Variants in ZNF536 observed in about 807,000 individuals in gnomAD.
ZNF536 encodes zinc finger protein 536.
Under a neutral mutation model 84.5 loss-of-function variants are expected in ZNF536, and 13 were observed. That is an observed-to-expected ratio of 0.15 (90% CI 0.10 to 0.24). The LOEUF (loss-of-function observed/expected upper bound fraction) is 0.24, where lower values mean the gene tolerates loss of function less well. ZNF536 is among the 10% of genes least tolerant of loss of function. The pLI is 1.00. For missense variants in ZNF536, 1,536 were observed against 1,747.5 expected (o/e 0.88, Z 2.16); for synonymous variants, 811 against 742.5 (o/e 1.09, Z -1.50).
intron 2 of ZNF536, among the ~76,000 whole-genome samples, chr19:30,533,168 A>C (rs2044922510): frequency 6.6e-6 from 1 of 152,216 alleles, no homozygotes; most frequent in African/African-American, 2.4e-5. Flanking sequence ...CCAACTGCAG[A>C]GAGAATGCTC....
At chr19:30,610,716 C>T (rs1444858703) in intron 1 of ZNF536, among the ~76,000 whole-genome samples, 1 of 152,098 alleles carries the variant, frequency 6.6e-6, no homozygotes, top group African/African-American at 2.4e-5. Flanking sequence ...CCCTCTGAAC[C>T]AAGGACAGCC....
At chr19:30,531,233 G>T (rs2044802630) in intron 2 of ZNF536, among the ~76,000 whole-genome samples, 1 of 152,160 alleles carries the variant, frequency 6.6e-6, no homozygotes, top group African/African-American at 2.4e-5. Flanking sequence ...ACATATCCAA[G>T]ATAGAAAGAT....
intron 1 of ZNF536, among the ~76,000 whole-genome samples, chr19:30,591,655 A>T (rs1404113696): frequency 6.6e-6 from 1 of 152,198 alleles, no homozygotes; most frequent in African/African-American, 2.4e-5. Context: ...TGGCCACCCC[A>T]TTCCACTGTT....
At chr19:30,422,209 G>A (rs753287921) in intron 1 of ZNF536, among the ~76,000 whole-genome samples, 1 of 152,088 alleles carries the variant, frequency 6.6e-6, no homozygotes, top group African/African-American at 2.4e-5. Context: ...AGCTACTGGA[G>A]AGTTTAGGAT....
At chr19:30,311,738 T>C (rs1306587321) in intron 2 of ZNF536, among the ~76,000 whole-genome samples, 1 of 152,132 alleles carries the variant, frequency 6.6e-6, no homozygotes, top group African/African-American at 2.4e-5. Flanking sequence ...CTAGTTATGT[T>C]TCCCTGAGTC....
At chr19:30,696,449 T>A (rs2051662347) in intron 1 of ZNF536, among the ~76,000 whole-genome samples, 1 of 152,258 alleles carries the variant, frequency 6.6e-6, no homozygotes, top group Non-Finnish European at 1.5e-5. Flanking sequence ...GGAATGTAAG[T>A]TCATTGACCC....
At chr19:30,573,041 C>T (rs2046607402) in intron 1 of ZNF536, among the ~76,000 whole-genome samples, 2 of 152,086 alleles carry the variant, frequency 1.3e-5, no homozygotes. Flanking sequence ...CTGAGGGGGG[C>T]ACATATTCTA....
intron 1 of ZNF536, among the ~76,000 whole-genome samples, chr19:30,663,736 A>T (rs1327705486): frequency 6.6e-6 from 1 of 152,214 alleles, no homozygotes; most frequent in Non-Finnish European, 1.5e-5. Context: ...AACAAAATAC[A>T]AAGGAGAATG....
chr19:30,458,017 C>T (rs996111134), intron 2 of ZNF536, among the ~76,000 whole-genome samples: 2 of 152,160 alleles, frequency 1.3e-5, no homozygotes, highest in African/African-American at 4.8e-5. Context: ...TAGTCAATTG[C>T]CCTTTATCTT....
At chr19:30,434,514 G>A (rs2051621051) in intron 1 of ZNF536, among the ~76,000 whole-genome samples, 1 of 152,192 alleles carries the variant, frequency 6.6e-6, no homozygotes, top group Non-Finnish European at 1.5e-5. Flanking sequence ...AGCCAGCCTG[G>A]CCACTGGCAT....
intron 1 of ZNF536, among the ~76,000 whole-genome samples, chr19:30,280,802 G>T (rs2145626617): frequency 6.6e-6 from 1 of 152,342 alleles, no homozygotes; most frequent in South Asian, 2.1e-4. Flanking sequence ...CTCCTTCAGG[G>T]CTCCTGTGTA....
intron 1 of ZNF536, among the ~76,000 whole-genome samples, chr19:30,690,867 C>T (rs1309753274): frequency 1.3e-5 from 2 of 152,182 alleles, no homozygotes; most frequent in African/African-American, 4.8e-5. Context: ...ACCACTCCTC[C>T]CCTGCAAACA....
chr19:30,303,534 GCT>G (rs2046254393), intron 2 of ZNF536, among the ~76,000 whole-genome samples: 1 of 150,220 alleles, frequency 6.7e-6, no homozygotes, highest in Admixed American at 6.6e-5. Context: ...ATGGAGTCTT[GCT>G]CTGTTGCCCA....
chr19:30,545,293 G>T (rs753332760), intron 3 of ZNF536, among the ~76,000 whole-genome samples: 31 of 150,728 alleles, frequency 2.1e-4, no homozygotes, highest in Non-Finnish European at 3.2e-4. Flanking sequence ...AATCAGAACT[G>T]CTGTGCCTTA....
chr19:30,355,193 GC>G (rs1275407801), intron 3 of ZNF536, among the ~76,000 whole-genome samples: 2 of 152,122 alleles, frequency 1.3e-5, no homozygotes, highest in Admixed American at 6.5e-5. Flanking sequence ...GCATCATGGA[GC>G]TTTTACTCAC....
chr19:30,609,773 C>CCCCT (rs2048025253), intron 1 of ZNF536, among the ~76,000 whole-genome samples: 1 of 136,752 alleles, frequency 7.3e-6, no homozygotes, highest in Non-Finnish European at 1.6e-5. Flanking sequence ...CACCCATCTA[C>CCCCT]CCATCCATCC....
At chr19:30,659,386 T>C (rs748744760) in intron 1 of ZNF536, among the ~76,000 whole-genome samples, 138 of 152,218 alleles carry the variant, frequency 9.1e-4, no homozygotes, top group Non-Finnish European at 1.4e-3. Flanking sequence ...CCAAGGAAGA[T>C]GGTGTTAAAC....
intron 1 of ZNF536, among the ~76,000 whole-genome samples, chr19:30,254,718 T>A (rs1389465006): frequency 2.0e-5 from 3 of 152,026 alleles, no homozygotes; most frequent in Non-Finnish European, 4.4e-5. Flanking sequence ...AGTAGCAAAG[T>A]GCTTTTGTTT....
At chr19:30,246,022 C>G (rs1233176507) in intron 1 of ZNF536, among the ~76,000 whole-genome samples, 1 of 152,164 alleles carries the variant, frequency 6.6e-6, no homozygotes. Flanking sequence ...TGATGTGGGT[C>G]CCTGGGCAGA....
Sources: gnomAD v4.1 joint callset for allele counts (sites outside exome capture counted in the v4.1 genomes callset) on GRCh38, gnomAD v4.1.1 for gene constraint, MANE v1.5 for transcripts, NCBI Gene and HGNC (gene_info 2026-07-23, HGNC 2026-07-21) for gene names.